Variants in TCTN2 observed in about 807,000 individuals in gnomAD.
TCTN2 encodes tectonic family member 2.
A neutral mutation model predicts 83.4 loss-of-function variants in TCTN2; 66 were observed. The ratio of observed to expected loss-of-function variants is 0.79; its 90% CI spans 0.65 to 0.97. TCTN2 has a LOEUF of 0.97. Among genes scored for constraint, TCTN2 ranks in the 50% least tolerant of loss-of-function variants. The probability of loss-of-function intolerance (pLI) is 0.00; values close to 1 mark genes in which losing one functional copy is unlikely to be tolerated. For synonymous variants in TCTN2, 301 were observed against 326.7 expected, an observed-to-expected ratio of 0.92 and a Z score of 0.85; for missense variants, 794 against 858.1, an observed-to-expected ratio of 0.93 and a Z score of 0.93.
intron 5 of TCTN2, among the ~76,000 whole-genome samples, chr12:123,682,235 G>A (rs1233264816): frequency 1.3e-5 from 2 of 152,008 alleles, no homozygotes; most frequent in Non-Finnish European, 2.9e-5. Context: ...GCCTCCCAAA[G>A]TGCAGGGATT....
At chr12:123,692,793 C>T (rs1956059395) in intron 9 of TCTN2, 70 bp downstream of exon 9, 1 of 1,188,662 alleles carries the variant, frequency 8.4e-7, no homozygotes, top group Non-Finnish European at 1.3e-6. Context: ...GTAATATATA[C>T]CCTCAGAGTG....
chr12:123,696,656 GC>G, intron 12 of TCTN2, 161 bp downstream of exon 12: 1 of 695,438 alleles, frequency 1.4e-6, no homozygotes, highest in Non-Finnish European at 2.6e-6. Context: ...GGTTTTTCCT[GC>G]TTCTACAGCT....
At chr12:123,692,353 T>G (rs1460424898) in intron 8 of TCTN2, among the ~76,000 whole-genome samples, 2 of 152,252 alleles carry the variant, frequency 1.3e-5, no homozygotes, top group African/African-American at 4.8e-5. Flanking sequence ...CCAATTGTTT[T>G]CTACAGTGTC....
rs1009858300 is a variant in TCTN2 at position 123,707,201 on chromosome 12, C to T, written c.1984+128C>T. 2.2e-5 allele frequency: 18 copies of T among 820,326 alleles called. No homozygotes were observed. In the Admixed American group the frequency reaches 3.7e-4, roughly 17 times the overall value. 50.8% of individuals were successfully genotyped at this position (820,326 alleles called of 1,614,324 possible). A position where few individuals can be genotyped will look rare whatever the true frequency, so the allele number is the denominator to read the frequency against. ...TTAAAAAAAAGTACGGATAATATTG[C>T]CACTTGGAAGTGATCACCATTACTG... On this transcript the variant is annotated intron_variant, in intron 17 of 17. Transcript: ENST00000303372.
chr12:123,708,288 C>T lies in TCTN2; in HGVS notation c.*575C>T, dbSNP rs531923705. The stretch of plus-strand genomic sequence containing the variant: ...GATCACAGACGTGAGCCACTGCGTC[C>T]GGTCCATCTGACTTCTCAAAGACTT... On this transcript the variant is annotated 3_prime_UTR_variant, in exon 18 of 18. Coordinates refer to ENST00000303372, the MANE Select transcript of TCTN2 (RefSeq NM_024809.5). The T allele has an allele frequency of 1.5e-4, 23 of 158,568 alleles. No individual in the cohort carries two copies. The highest frequency in any genetic ancestry group is 4.6e-4 in the African/African-American group (19 of 41,572). 9.8% of individuals were successfully genotyped at this position (158,568 alleles called of 1,614,324 possible).
At chr12:123,686,208 G>A (rs930912987) in intron 5 of TCTN2, among the ~76,000 whole-genome samples, 9 of 151,762 alleles carry the variant, frequency 5.9e-5, no homozygotes, top group South Asian at 4.2e-4. Context: ...CACCACACCC[G>A]GCTAATTTTT....
At chr12:123,686,718 A>T (rs2135833913) in intron 5 of TCTN2, 118 bp from the exon 6 acceptor site, 1 of 962,412 alleles carries the variant, frequency 1.0e-6, no homozygotes, top group Non-Finnish European at 1.7e-6. Context: ...CACAGATTAT[A>T]GGTTTTCTTG....
intron 15 of TCTN2, among the ~76,000 whole-genome samples, chr12:123,706,378 G>C (rs1956230026): frequency 6.6e-6 from 1 of 152,190 alleles, no homozygotes; most frequent in South Asian, 2.1e-4. Context: ...GCTAGCTGCT[G>C]CTTTTATTAT....
At chr12:123,696,265 C>T in intron 11 of TCTN2, 150 bp from the exon 12 acceptor site, 1 of 677,664 alleles carries the variant, frequency 1.5e-6, no homozygotes, top group Non-Finnish European at 2.7e-6. Flanking sequence ...TTTTTTGAGA[C>T]CCGAAGTTGC....
chr12:123,697,412 C>A (rs976961493), intron 13 of TCTN2, among the ~76,000 whole-genome samples: 1 of 152,222 alleles, frequency 6.6e-6, no homozygotes, highest in African/African-American at 2.4e-5. Context: ...AAAGCCAGTT[C>A]ATCCACATTT....
intron 14 of TCTN2, among the ~76,000 whole-genome samples, chr12:123,701,666 C>T (rs1046653013): frequency 6.6e-6 from 1 of 151,790 alleles, no homozygotes; most frequent in African/African-American, 2.4e-5. Context: ...TGGTAGGAAC[C>T]CGGGAGGCGG....
chr12:123,691,113 C>T (rs1184622028), intron 8 of TCTN2, among the ~76,000 whole-genome samples: 2 of 152,178 alleles, frequency 1.3e-5, no homozygotes, highest in Non-Finnish European at 2.9e-5. Context: ...AGGTGATCCA[C>T]TCTCCTAGGC....
intron 7 of TCTN2, among the ~76,000 whole-genome samples, chr12:123,688,475 A>G (rs950365598): frequency 5.9e-5 from 9 of 152,210 alleles, no homozygotes; most frequent in African/African-American, 2.2e-4. Flanking sequence ...TCAGCCTCCC[A>G]AAGTGCTGGG....
chr12:123,671,477 CCCT>C (rs1566241358), intron 1 of TCTN2, 27 bp from the exon 2 acceptor site: 1 of 1,608,502 alleles, frequency 6.2e-7, no homozygotes, highest in South Asian at 1.1e-5. Flanking sequence ...CACTGCTAAC[CCCT>C]CCTTGTCCCC....
intron 6 of TCTN2, 111 bp downstream of exon 6, chr12:123,687,146 G>A: frequency 8.0e-7 from 1 of 1,250,936 alleles, no homozygotes; most frequent in Non-Finnish European, 1.2e-6. Flanking sequence ...CCTCTCCAGA[G>A]GTTCCGTGCC....
chr12:123,672,024 G>A (rs184927205), intron 2 of TCTN2, 32 bp from the exon 3 acceptor site: 1 of 1,599,206 alleles, frequency 6.3e-7, no homozygotes, highest in East Asian at 2.2e-5. Context: ...GCTGGACCTT[G>A]CTGCCTTTGC....
chr12:123,687,921 G>A (rs1442160090), intron 6 of TCTN2, 130 bp from the exon 7 acceptor site: 35 of 1,259,904 alleles, frequency 2.8e-5, no homozygotes, highest in African/African-American at 4.5e-5. Flanking sequence ...CAAAGATCAC[G>A]CCACTGCACT....
In TCTN2 at chr12:123,706,980, T is replaced by C. The variant is rs2135862725; in HGVS notation, c.1896-5T>C. 1 of 1,614,150 alleles carries C rather than the reference T, an allele frequency of 6.2e-7. No homozygotes were observed. The highest frequency in any genetic ancestry group is 8.5e-7 in the Non-Finnish European group (1 of 1,180,000). On this transcript the variant is annotated splice_polypyrimidine_tract_variant and splice_region_variant and intron_variant, in intron 16 of 17. Coordinates refer to ENST00000303372, the MANE Select transcript of TCTN2 (RefSeq NM_024809.5). ...GTTTTTGTAACCCTCTAAAATGTTT[T>C]CTAGATTCCAGATCAATTATACAGA...
At position 123,707,828 on chromosome 12, in the gene TCTN2, C is replaced by G. The variant is rs1400630534; in HGVS notation, c.*115C>G. On this transcript the variant is annotated 3_prime_UTR_variant, in exon 18 of 18. Coordinates refer to ENST00000303372, the MANE Select transcript of TCTN2 (RefSeq NM_024809.5). The stretch of plus-strand genomic sequence containing the variant: ...TTGGGTTCAAGCGATTCTCCTGCCT[C>G]AGCCTCCGGAGAACTGGGATTACAG... The G allele has an allele frequency of 8.7e-6, 7 of 804,836 alleles. No homozygotes were observed. The highest frequency in any genetic ancestry group is 1.5e-5 in the Non-Finnish European group (7 of 467,214). The allele number at this position is 804,836 out of a possible 1,614,324, so 49.9% of individuals were successfully genotyped here. A position where few individuals can be genotyped will look rare whatever the true frequency, so the allele number is the denominator to read the frequency against.
Sources: allele counts gnomAD v4.1 joint callset (sites outside exome capture counted in the v4.1 genomes callset), GRCh38; gene constraint gnomAD v4.1.1; transcripts MANE v1.5; gene names NCBI Gene and HGNC (gene_info 2026-07-23, HGNC 2026-07-21).